The following RIMKLB variants were observed in gnomAD, a reference collection of about 807,000 sequenced individuals.
RIMKLB encodes beta-citrylglutamate synthase B.
Under a neutral mutation model 32.0 loss-of-function variants are expected in RIMKLB, and 7 were observed. The ratio of observed to expected loss-of-function variants is 0.22; its 90% CI spans 0.12 to 0.41. The LOEUF is 0.41. RIMKLB is among the 10% of genes least tolerant of loss of function. The pLI, the probability that RIMKLB is intolerant of heterozygous loss-of-function variation, is 1.00. For missense variants in RIMKLB, 289 were observed against 498.7 expected (o/e 0.58, Z 4.00); for synonymous variants, 172 against 185.1 (o/e 0.93, Z 0.57).
upstream of RIMKLB, chr12:8,697,716 TC>T: frequency 1.8e-5 from 5 of 277,736 alleles, no homozygotes; most frequent in South Asian, 2.5e-5. Context: ...TCGCCTCTCT[TC>T]CCCCGAGGCC....
chr12:8,757,980 A>T (rs1465753324), intron 5 of RIMKLB, among the ~76,000 whole-genome samples: 1 of 148,350 alleles, frequency 6.7e-6, no homozygotes, highest in East Asian at 2.0e-4. Context: ...CTTTTTCTGG[A>T]GAATGGGGTC....
chr12:8,754,527 A>C (rs1488335475), intron 5 of RIMKLB, among the ~76,000 whole-genome samples: 1 of 152,236 alleles, frequency 6.6e-6, no homozygotes, highest in East Asian at 1.9e-4. Flanking sequence ...TAGGTACATC[A>C]GAGCTTAGGC....
intron 1 of RIMKLB, among the ~76,000 whole-genome samples, chr12:8,682,050 G>T (rs1942422904): frequency 6.6e-6 from 1 of 151,958 alleles, no homozygotes. Context: ...ACACCCAGCT[G>T]GTGTTGGAGA....
chr12:8,726,144 G>A (rs377397722), intron 2 of RIMKLB, among the ~76,000 whole-genome samples: 5 of 152,308 alleles, frequency 3.3e-5, no homozygotes, highest in East Asian at 1.9e-4. Flanking sequence ...CACTGTGCCC[G>A]GCCCAGGTTG....
At chr12:8,713,308 T>G (rs1263436959) in intron 1 of RIMKLB, among the ~76,000 whole-genome samples, 2 of 152,174 alleles carry the variant, frequency 1.3e-5, no homozygotes, top group Non-Finnish European at 2.9e-5. Context: ...ACCTATTTTT[T>G]TTTTCTACAT....
intron 1 of RIMKLB, among the ~76,000 whole-genome samples, chr12:8,707,143 C>T (rs563378593): frequency 3.9e-5 from 6 of 152,282 alleles, no homozygotes; most frequent in Admixed American, 3.9e-4. Flanking sequence ...CACCAACAGT[C>T]ATTTCTGCAA....
rs1257558411 is a variant in RIMKLB, at chr12:8,698,137, G to C, written c.-217G>C. On this transcript the variant is annotated 5_prime_UTR_variant, in exon 1 of 6. Coordinates refer to ENST00000535829, the MANE Select transcript of RIMKLB (RefSeq NM_001297776.2). Reference sequence around the variant, plus strand: ...GCGAGGACGCCCGGCCAGCCTGCGGGAGCCGCAGTCGGCGGAGGAGAAAGG... The same window carrying C: ...GCGAGGACGCCCGGCCAGCCTGCGGCAGCCGCAGTCGGCGGAGGAGAAAGG... The C allele has an allele frequency of 3.5e-6, 1 of 286,646 alleles. No homozygotes were observed. Among genetic ancestry groups the C allele is most frequent in the African/African-American group, 2.4e-5 (1 of 42,422 alleles). The allele number at this position is 286,646 out of a possible 1,614,324, so 17.8% of individuals were successfully genotyped here. A position where few individuals can be genotyped will look rare whatever the true frequency, so the allele number is the denominator to read the frequency against.
intron 5 of RIMKLB, among the ~76,000 whole-genome samples, chr12:8,754,779 G>A (rs1473494891): frequency 6.6e-6 from 1 of 151,878 alleles, no homozygotes; most frequent in Non-Finnish European, 1.5e-5. Flanking sequence ...TCTTATATAT[G>A]TATATATGTA....
chr12:8,770,945 C>A (rs1047935463), intron 5 of RIMKLB, among the ~76,000 whole-genome samples: 3 of 152,172 alleles, frequency 2.0e-5, no homozygotes, highest in Admixed American at 1.3e-4. Flanking sequence ...AGAACACTTA[C>A]ATTGTGTTAT....
chr12:8,739,633 A>T (rs964601402), intron 2 of RIMKLB, among the ~76,000 whole-genome samples: 10 of 152,030 alleles, frequency 6.6e-5, no homozygotes, highest in African/African-American at 2.2e-4. Flanking sequence ...ATCATGCTGG[A>T]CTGATTTTTA....
At chr12:8,692,685 T>C (rs1942765999), upstream of RIMKLB, among the ~76,000 whole-genome samples, 1 of 152,224 alleles carries the variant, frequency 6.6e-6, no homozygotes. Flanking sequence ...TTTCTTAGCA[T>C]AGAGAGAAAG....
At position 8,742,975 on chromosome 12, in the gene RIMKLB, T is replaced by C. The variant is rs759409004; in HGVS notation, c.176-6887T>C. On this transcript the variant is annotated intron_variant, in intron 2 of 5. Coordinates refer to ENST00000535829, the MANE Select transcript of RIMKLB (RefSeq NM_001297776.2). ...GGTAGATGTTGGCCCTGGGAAGTTC[T>C]GCAAACGCATGGCACCACCTCCTGT... 4.2e-4 allele frequency: 67 copies of C among 159,556 alleles called. 2 individuals are homozygous for C. Among genetic ancestry groups the C allele is most frequent in the African/African-American group, 1.6e-3 (65 of 41,498 alleles). The allele number at this position is 159,556 out of a possible 1,614,324, so 9.9% of individuals were successfully genotyped here.
chr12:8,713,951 G>A lies in RIMKLB; in HGVS notation c.85G>A (p.Ala29Thr), dbSNP rs747795942. ...EDYPQKEILR[A>T]LKAKCCEEEL... is the part of the protein sequence containing the mutation. ...CTATCCTCAAAAAGAGATTTTACGAGCATTGAAGGCCAAATGTTGTGAGGA... is the reference window on the plus strand; with the variant it reads ...CTATCCTCAAAAAGAGATTTTACGAACATTGAAGGCCAAATGTTGTGAGGA... Residue 29 changes from alanine (A) to threonine (T), a missense_variant, in exon 2 of 6, where the codon GCA becomes ACA. Physicochemically the swap from Ala to Thr is moderately conservative, Grantham distance 58. This residue lies in a region of RIMKLB where 34 missense variants were observed against 35.3 expected (regional missense o/e 0.96). Transcript: ENST00000535829. 6.2e-7 allele frequency: 1 copy of A among 1,614,110 alleles called. No homozygotes were observed. Among genetic ancestry groups the A allele is most frequent in the African/African-American group, 1.3e-5 (1 of 75,034 alleles).
chr12:8,707,965 C>T (rs74059968), intron 1 of RIMKLB, among the ~76,000 whole-genome samples: 10,831 of 152,148 alleles, frequency 0.071, 1,250 homozygotes, highest in African/African-American at 0.24. Flanking sequence ...CCGAAGCAAG[C>T]CTGTATTAAC....
intron 5 of RIMKLB, 139 bp downstream of exon 5, chr12:8,754,232 C>T (rs1157584614): frequency 3.2e-6 from 2 of 633,952 alleles, no homozygotes; most frequent in Non-Finnish European, 5.5e-6. Context: ...ATGATTTTTA[C>T]ACATGCCATC....
intron 2 of RIMKLB, 148 bp from the exon 3 acceptor site, chr12:8,749,711 TTTC>T (rs1448277565): frequency 1.8e-6 from 1 of 567,524 alleles, no homozygotes; most frequent in Non-Finnish European, 3.1e-6. Flanking sequence ...CTAATTAAAT[TTTC>T]TTTTTTCTTA....
downstream of RIMKLB, among the ~76,000 whole-genome samples, chr12:8,781,871 A>G (rs1301331891): frequency 3.3e-5 from 5 of 152,170 alleles, no homozygotes; most frequent in African/African-American, 4.8e-5. Flanking sequence ...GTAAATGTCA[A>G]TTAAATTTAT....
At chr12:8,771,899 T>C (rs1199458771) in intron 5 of RIMKLB, among the ~76,000 whole-genome samples, 1 of 152,168 alleles carries the variant, frequency 6.6e-6, no homozygotes, top group Non-Finnish European at 1.5e-5. Flanking sequence ...GTTTTTGTTT[T>C]TGTTTTTGAG....
rs1950611992 is a variant in RIMKLB, at chr12:8,774,468, CATT to C, written c.*686_*688del. ...TTGCAATGTCCGGTATACAAAATAA[CATT>C]AATTCAATGTAGATAAAATTACACT... On this transcript the variant is annotated 3_prime_UTR_variant, in exon 6 of 6. Transcript: ENST00000535829. The C allele has an allele frequency of 2.0e-6, 2 of 984,330 alleles. No homozygotes were observed. Among genetic ancestry groups the C allele is most frequent in the Admixed American group, 1.2e-4 (2 of 16,212 alleles). The allele number at this position is 984,330 out of a possible 1,614,324, so 61.0% of individuals were successfully genotyped here.
Sources: allele counts gnomAD v4.1 joint callset (sites outside exome capture counted in the v4.1 genomes callset), GRCh38; gene constraint gnomAD v4.1.1; regional missense constraint gnomAD v4.1.1; transcripts MANE v1.5; gene names NCBI Gene and HGNC (gene_info 2026-07-23, HGNC 2026-07-21).